The following NKTR variants were observed in gnomAD, a reference collection of about 807,000 sequenced individuals.
The protein encoded by NKTR is natural killer cell triggering receptor, also known as NK-tumor recognition protein.
Under a neutral mutation model 156.3 loss-of-function variants are expected in NKTR, and 67 were observed. That is an observed-to-expected ratio of 0.43 (90% CI 0.35 to 0.53). NKTR has a LOEUF of 0.53. Among genes scored for constraint, NKTR ranks in the 20% least tolerant of loss-of-function variants. The pLI is 0.01. For synonymous variants in NKTR, 640 were observed against 596.6 expected, an observed-to-expected ratio of 1.07 and a Z score of -1.06; for missense variants, 1,604 against 1,730.9, an observed-to-expected ratio of 0.93 and a Z score of 1.30.
At chr3:42,632,878 A>G in intron 9 of NKTR, 55 bp downstream of exon 9, 1 of 1,430,222 alleles carries the variant, frequency 7.0e-7, no homozygotes, top group Non-Finnish European at 9.2e-7. Context: ...CTGGAATGGG[A>G]AAAGTATGTA....
At chr3:42,603,820 C>T (rs1215839985) in intron 2 of NKTR, among the ~76,000 whole-genome samples, 4 of 151,056 alleles carry the variant, frequency 2.6e-5, no homozygotes, top group African/African-American at 9.7e-5. Context: ...AGTGCAACCT[C>T]CGCCTCCCAG....
At chr3:42,620,090 G>A (rs569313833) in intron 5 of NKTR, 5 of 1,527,048 alleles carry the variant, frequency 3.3e-6, no homozygotes, top group South Asian at 1.2e-5. Context: ...CTGTTCCCTT[G>A]CACCCTTCCT....
intron 2 of NKTR, among the ~76,000 whole-genome samples, chr3:42,604,241 G>A (rs1293007937): frequency 6.6e-6 from 1 of 152,154 alleles, no homozygotes; most frequent in African/African-American, 2.4e-5. Flanking sequence ...CAGAGAACCA[G>A]ATTTTGATCT....
intron 15 of NKTR, chr3:42,643,625 T>C (rs1229270957): frequency 1.6e-6 from 1 of 629,484 alleles, no homozygotes; most frequent in East Asian, 2.7e-5. Flanking sequence ...TTATTGAATA[T>C]AATTGCCTAC....
chr3:42,620,082 G>A, intron 5 of NKTR: 1 of 1,531,916 alleles, frequency 6.5e-7, no homozygotes, highest in South Asian at 1.2e-5. Context: ...CTCCAATTCT[G>A]TTCCCTTGCA....
At chr3:42,627,276 T>C (rs1464737419) in intron 6 of NKTR, 14 of 985,238 alleles carry the variant, frequency 1.4e-5, no homozygotes, top group Non-Finnish European at 1.7e-5. Flanking sequence ...CTTTATCTCT[T>C]TAATTCTGTT....
intron 10 of NKTR, 81 bp from the exon 11 acceptor site, chr3:42,634,532 C>A: frequency 1.4e-6 from 1 of 722,426 alleles, no homozygotes; most frequent in Non-Finnish European, 2.3e-6. Flanking sequence ...GAATTAATAG[C>A]TTAACATAAT....
At chr3:42,630,770 TG>T (rs1251126212) in intron 7 of NKTR, 195 bp downstream of exon 7, 28 of 1,386,658 alleles carry the variant, frequency 2.0e-5, no homozygotes, top group Non-Finnish European at 2.4e-5. Context: ...GGAGTCAATC[TG>T]TGCTCATGGA....
chr3:42,619,280 A>C, intron 4 of NKTR, 153 bp downstream of exon 4: 1 of 1,432,782 alleles, frequency 7.0e-7, no homozygotes, highest in Non-Finnish European at 9.1e-7. Flanking sequence ...ATAGGTCCAG[A>C]ATGTATGAAA....
intron 5 of NKTR, 149 bp from the exon 6 acceptor site, chr3:42,621,280 G>C (rs1261648532): frequency 7.5e-7 from 1 of 1,331,584 alleles, no homozygotes; most frequent in Non-Finnish European, 9.6e-7. Context: ...TATTTGATTA[G>C]CTTAAATTTT....
Position 42,633,104 on chromosome 3 carries a change from A to G in NKTR, c.773+281A>G, listed in dbSNP as rs950291648. 5.1e-6 allele frequency: 4 copies of G among 789,228 alleles called. No homozygotes were observed. In the African/African-American group the frequency reaches 5.5e-5, roughly 11 times the overall value. The allele number at this position is 789,228 out of a possible 1,614,324, so 48.9% of individuals were successfully genotyped here. The stretch of plus-strand genomic sequence containing the variant: ...ATCCAGGCTGGAATACAGTGGCACA[A>G]TTATAGCTCACTGCATCCTCCACCT... On this transcript the variant is annotated intron_variant, in intron 9 of 16. Coordinates refer to ENST00000232978, the MANE Select transcript of NKTR (RefSeq NM_005385.4).
chr3:42,600,969 C>T lies in NKTR; in HGVS notation c.-23-15C>T, dbSNP rs1705355405. 1.3e-6 allele frequency: 2 copies of T among 1,505,718 alleles called. No individual in the cohort carries two copies. Among genetic ancestry groups the T allele is most frequent in the Non-Finnish European group, 1.8e-6 (2 of 1,122,164 alleles). The allele number at this position is 1,505,718 out of a possible 1,614,324, so 93.3% of individuals were successfully genotyped here. A position where few individuals can be genotyped will look rare whatever the true frequency, so the allele number is the denominator to read the frequency against. On this transcript the variant is annotated splice_polypyrimidine_tract_variant and intron_variant, in intron 1 of 16. Transcript: ENST00000232978. ...TCGCCCCTGCCCTGACCGCTTTTCT[C>T]CCCCTCTCTCCCAGCTCTTGCCGCC...
intron 6 of NKTR, among the ~76,000 whole-genome samples, chr3:42,626,019 T>C (rs1708348427): frequency 6.6e-6 from 1 of 152,124 alleles, no homozygotes. Flanking sequence ...CTTATACAAG[T>C]GTTGTCATTC....
Position 42,603,036 on chromosome 3 carries a change from AAAAAG to A in NKTR, c.58+1987_58+1991del, listed in dbSNP as rs537520758. ...GTGAGACCCTGTCTCAAAAAAAAAA[AAAAAG>A]AAAAGAAAAGAAAAATAGTAGATTG... is the stretch of plus-strand genomic sequence containing the variant. On this transcript the variant is annotated intron_variant, in intron 2 of 16. Coordinates refer to ENST00000232978, the MANE Select transcript of NKTR (RefSeq NM_005385.4). The A allele has an allele frequency of 3.0e-3, 461 of 152,700 alleles. 4 individuals carry two copies. The highest frequency in any genetic ancestry group is 9.7e-3 in the Admixed American group (147 of 15,172). The allele number at this position is 152,700 out of a possible 1,614,324, so 9.5% of individuals were successfully genotyped here.
chr3:42,613,766 TTGA>T (rs1349305935), intron 2 of NKTR, among the ~76,000 whole-genome samples: 1 of 152,198 alleles, frequency 6.6e-6, no homozygotes, highest in Non-Finnish European at 1.5e-5. Flanking sequence ...TTAACATGTG[TTGA>T]TATTACCTGA....
In NKTR at chr3:42,646,031, G is replaced by A; in HGVS notation, c.*56G>A. ...GTAAATATCTGGCAACTTAGCTTAA[G>A]AAATGTAATGACAGTCTGTTGTTCT... On this transcript the variant is annotated 3_prime_UTR_variant, in exon 17 of 17. Coordinates refer to ENST00000232978, the MANE Select transcript of NKTR (RefSeq NM_005385.4). 1 of 1,238,806 alleles carries A rather than the reference G, an allele frequency of 8.1e-7. No individual in the cohort carries two copies. The highest frequency in any genetic ancestry group is 1.3e-5 in the South Asian group (1 of 79,416). The allele number at this position is 1,238,806 out of a possible 1,614,324, so 76.7% of individuals were successfully genotyped here.
intron 6 of NKTR, chr3:42,629,255 T>C: frequency 1.0e-6 from 1 of 977,488 alleles, no homozygotes; most frequent in Non-Finnish European, 1.2e-6. Context: ...ATTTTTATAA[T>C]TACATTGGCA....
chr3:42,627,347 C>T (rs1708483905), intron 6 of NKTR: 1 of 984,950 alleles, frequency 1.0e-6, no homozygotes, highest in South Asian at 4.7e-5. Context: ...TGTATAGCAG[C>T]AGTACATGTA....
intron 6 of NKTR, 90 bp from the exon 7 acceptor site, chr3:42,630,456 T>C: frequency 1.3e-6 from 2 of 1,590,366 alleles, no homozygotes; most frequent in Non-Finnish European, 1.7e-6. Flanking sequence ...TACTTCTTTG[T>C]TCTCTACATG....
Sources: allele counts gnomAD v4.1 joint callset (sites outside exome capture counted in the v4.1 genomes callset), GRCh38; gene constraint gnomAD v4.1.1; transcripts MANE v1.5; gene names NCBI Gene and HGNC (gene_info 2026-07-23, HGNC 2026-07-21).